TOX3: variants seen among roughly 807,000 people sequenced by gnomAD.
TOX3 encodes TOX high mobility group box family member 3.
In TOX3, 22 loss-of-function variants were observed where a neutral mutation model predicts 64.3. The ratio of observed to expected loss-of-function variants is 0.34; its 90% CI spans 0.24 to 0.49. The LOEUF is 0.49. TOX3 is among the 20% of genes least tolerant of loss of function. The probability of loss-of-function intolerance (pLI) is 0.99; values close to 1 mark genes in which losing one functional copy is unlikely to be tolerated. For synonymous variants in TOX3, 291 were observed against 273.6 expected (o/e 1.06, Z -0.63); for missense variants, 661 against 714.4 (o/e 0.93, Z 0.85).
At chr16:52,456,755 C>T (rs949902798) in intron 3 of TOX3, among the ~76,000 whole-genome samples, 1 of 152,154 alleles carries the variant, frequency 6.6e-6, no homozygotes, top group African/African-American at 2.4e-5. Flanking sequence ...AAATTAAAAT[C>T]ACTCATGGCC....
intron 1 of TOX3, among the ~76,000 whole-genome samples, chr16:52,484,463 C>T (rs1006614248): frequency 6.6e-6 from 1 of 152,034 alleles, no homozygotes; most frequent in African/African-American, 2.4e-5. Flanking sequence ...TATAATGAAA[C>T]TGCTCAAGAA....
At chr16:52,537,099 C>T (rs188681899) in intron 1 of TOX3, among the ~76,000 whole-genome samples, 41 of 152,182 alleles carry the variant, frequency 2.7e-4, no homozygotes, top group Admixed American at 2.5e-3. Context: ...CATGTTCAGA[C>T]ATTGTCTTGA....
chr16:52,533,198 C>A (rs1288860409), intron 1 of TOX3, among the ~76,000 whole-genome samples: 2 of 152,110 alleles, frequency 1.3e-5, no homozygotes, highest in African/African-American at 4.8e-5. Context: ...CTCTAGGACC[C>A]TACAATCACA....
chr16:52,467,101 C>A (rs922745514), intron 2 of TOX3, among the ~76,000 whole-genome samples: 4 of 152,128 alleles, frequency 2.6e-5, no homozygotes, highest in Non-Finnish European at 4.4e-5. Context: ...ATGTTCAAAA[C>A]ATTTGTTCCT....
At chr16:52,461,926 C>T (rs2151754224) in intron 3 of TOX3, among the ~76,000 whole-genome samples, 1 of 152,196 alleles carries the variant, frequency 6.6e-6, no homozygotes, top group East Asian at 1.9e-4. Context: ...GTGAACATGT[C>T]AGGTAGTACA....
intron 1 of TOX3, among the ~76,000 whole-genome samples, chr16:52,492,492 A>G (rs1356139231): frequency 9.6e-6 from 1 of 104,010 alleles, no homozygotes; most frequent in Non-Finnish European, 1.9e-5. Flanking sequence ...TATATAATAT[A>G]TGATATATAT....
chr16:52,486,724 G>C (rs1961541764), intron 1 of TOX3, among the ~76,000 whole-genome samples: 1 of 152,086 alleles, frequency 6.6e-6, no homozygotes, highest in Non-Finnish European at 1.5e-5. Context: ...CTGAGCCCTG[G>C]AGTTCGAGAC....
intron 3 of TOX3, among the ~76,000 whole-genome samples, chr16:52,452,651 C>T (rs1205622593): frequency 1.4e-5 from 2 of 147,488 alleles, no homozygotes; most frequent in Non-Finnish European, 3.0e-5. Context: ...GCACATTGTG[C>T]ACATGTACCC....
rs748115079 is a variant in TOX3, at chr16:52,464,143, G to A, written c.199C>T (p.Pro67Ser). The change falls in exon 3 of 7, where the codon CCA becomes TCA. Residue 67 changes from proline (P) to serine (S), a missense_variant. Around this residue, in one of 3 missense-constraint regions of TOX3, gnomAD observed 259 missense variants for 261.2 expected, o/e 0.99. Transcript: ENST00000219746. ...PSLGDEEFEI[P>S]PITPPPESDP... is the part of the protein sequence containing the mutation. ...GACTCTGGAGGAGGCGTGATTGGTG[G>A]AATTTCGAATTCCTCGTCCCCAAGG... 1 of 1,579,238 alleles carries A rather than the reference G, an allele frequency of 6.3e-7. No individual in the cohort carries two copies. Among genetic ancestry groups the A allele is most frequent in the Non-Finnish European group, 8.6e-7 (1 of 1,161,978 alleles).
At chr16:52,506,897 A>T (rs942723067) in intron 1 of TOX3, among the ~76,000 whole-genome samples, 2 of 152,176 alleles carry the variant, frequency 1.3e-5, no homozygotes, top group African/African-American at 2.4e-5. Context: ...TCAAATTCCC[A>T]AAAAAGGTTA....
At chr16:52,524,721 A>G (rs1206790151) in intron 1 of TOX3, among the ~76,000 whole-genome samples, 3 of 152,158 alleles carry the variant, frequency 2.0e-5, no homozygotes, top group African/African-American at 7.2e-5. Context: ...CCCTTGAAGC[A>G]CATTGAGCTT....
chr16:52,530,739 C>T (rs1962833701), intron 1 of TOX3, among the ~76,000 whole-genome samples: 1 of 151,540 alleles, frequency 6.6e-6, no homozygotes, highest in African/African-American at 2.4e-5. Flanking sequence ...TAAGAATCTT[C>T]TAGATCACTC....
intron 1 of TOX3, among the ~76,000 whole-genome samples, chr16:52,495,230 G>C (rs776491755): frequency 6.6e-6 from 1 of 152,146 alleles, no homozygotes; most frequent in Non-Finnish European, 1.5e-5. Context: ...AGCCCAGAAC[G>C]TGCTTTTGGA....
rs1231975151 is a variant in TOX3, at chr16:52,493,187, A to C, written c.88-24613T>G. On this transcript the variant is annotated intron_variant, in intron 1 of 6. Coordinates refer to ENST00000219746, the MANE Select transcript of TOX3 (RefSeq NM_001080430.4). The stretch of plus-strand genomic sequence containing the variant: ...AACAGGATCTCAATAGCAGTATTTC[A>C]AGGAACTTTCACAGAATAAGGTGCA... Among the ~76,000 whole-genome samples the C allele has an allele frequency of 2.0e-5, 3 of 152,202 alleles. 1 individual carries two copies.
At chr16:52,525,709 G>A (rs1289960825) in intron 1 of TOX3, among the ~76,000 whole-genome samples, 2 of 151,828 alleles carry the variant, frequency 1.3e-5, no homozygotes, top group Non-Finnish European at 2.9e-5. Context: ...ACACACACAC[G>A]CACACCATTC....
intron 1 of TOX3, among the ~76,000 whole-genome samples, chr16:52,472,034 A>C (rs1472768668): frequency 6.6e-6 from 1 of 152,178 alleles, no homozygotes; most frequent in Admixed American, 6.5e-5. Context: ...TCAAAGTTAG[A>C]ATTTCCCAGA....
In TOX3 at chr16:52,439,981, G is replaced by T; in HGVS notation, c.988-13C>A. The T allele has an allele frequency of 6.6e-7, 1 of 1,524,044 alleles. No homozygotes were observed. The allele number at this position is 1,524,044 out of a possible 1,614,324, so 94.4% of individuals were successfully genotyped here. On this transcript the variant is annotated splice_polypyrimidine_tract_variant and intron_variant, in intron 6 of 6. Coordinates refer to ENST00000219746, the MANE Select transcript of TOX3 (RefSeq NM_001080430.4). Reference sequence around the variant, plus strand: ...ACTCAGCAGCAGCCTGCATTTTGGGGGAGAAAATTCCAGACTGTTACAACA... The same window carrying T: ...ACTCAGCAGCAGCCTGCATTTTGGGTGAGAAAATTCCAGACTGTTACAACA...
chr16:52,491,496 T>C (rs1301241581), intron 1 of TOX3, among the ~76,000 whole-genome samples: 2 of 152,192 alleles, frequency 1.3e-5, no homozygotes, highest in Middle Eastern at 3.2e-3. Flanking sequence ...AAAGGACTTA[T>C]TGTGTAATAT....
chr16:52,506,262 T>G (rs2151468078), intron 1 of TOX3, among the ~76,000 whole-genome samples: 1 of 152,286 alleles, frequency 6.6e-6, no homozygotes, highest in East Asian at 1.9e-4. Flanking sequence ...ATGCTCATAC[T>G]CTTTATACAC....
Sources: allele counts gnomAD v4.1 joint callset (sites outside exome capture counted in the v4.1 genomes callset), GRCh38; gene constraint gnomAD v4.1.1; regional missense constraint gnomAD v4.1.1; transcripts MANE v1.5; gene names NCBI Gene and HGNC (gene_info 2026-07-23, HGNC 2026-07-21).